SLX4IP: variants seen among roughly 807,000 people sequenced by gnomAD.
The protein encoded by SLX4IP is protein SLX4IP.
Under a neutral mutation model 32.9 loss-of-function variants are expected in SLX4IP, and 34 were observed. That is an observed-to-expected ratio of 1.03 (90% CI 0.79 to 1.38). The LOEUF is 1.38. Among genes scored for constraint, SLX4IP ranks in the 40% most tolerant of loss-of-function variants. SLX4IP has a pLI of 0.00. For missense variants in SLX4IP, 444 were observed against 479.0 expected, an observed-to-expected ratio of 0.93 and a Z score of 0.68; for synonymous variants, 172 against 171.7, an observed-to-expected ratio of 1.00 and a Z score of -0.01.
rs565758364 is a variant in SLX4IP, at chr20:10,467,911, G to T, written c.27+9680G>T. Among the ~76,000 whole-genome samples, 7 of 152,070 alleles carry T rather than the reference G, an allele frequency of 4.6e-5. No homozygotes were observed. The South Asian group carries it at 1.5e-3, about 32-fold the overall frequency. On this transcript the variant is annotated intron_variant, in intron 2 of 7. Transcript: ENST00000334534. ...TCTGGCCAGACACCCAGTTTTCTAG[G>T]CTTCATTTTCCCAGTCCTTTCCTCA...
intron 2 of SLX4IP, among the ~76,000 whole-genome samples, chr20:10,483,841 C>G (rs1386153204): frequency 7.2e-6 from 1 of 138,106 alleles, no homozygotes; most frequent in Non-Finnish European, 1.5e-5. Context: ...AGTTTCTGAC[C>G]TTCCTCTGAA....
intron 4 of SLX4IP, among the ~76,000 whole-genome samples, chr20:10,584,614 G>C (rs1600129653): frequency 6.6e-6 from 1 of 152,140 alleles, no homozygotes; most frequent in East Asian, 1.9e-4. Context: ...TCTCACCCCA[G>C]GTTCTCTGGG....
chr20:10,569,175 ATTTTTT>A (rs555310488), intron 4 of SLX4IP, among the ~76,000 whole-genome samples: 1 of 129,950 alleles, frequency 7.7e-6, no homozygotes, highest in Non-Finnish European at 1.6e-5. Flanking sequence ...CCAGATCTAG[ATTTTTT>A]TTTTTTTTTT....
At chr20:10,458,472 A>G (rs889627674) in intron 2 of SLX4IP, among the ~76,000 whole-genome samples, 11 of 152,224 alleles carry the variant, frequency 7.2e-5, no homozygotes, top group African/African-American at 2.6e-4. Context: ...TGACTTAGGT[A>G]TTAAGCCCAG....
intron 2 of SLX4IP, among the ~76,000 whole-genome samples, chr20:10,463,858 T>G (rs1374762991): frequency 6.6e-6 from 1 of 152,170 alleles, no homozygotes; most frequent in East Asian, 1.9e-4. Context: ...CATAACTCAC[T>G]GCGGCCTTGA....
At chr20:10,464,535 TAATA>T (rs1423312371) in intron 2 of SLX4IP, among the ~76,000 whole-genome samples, 1 of 152,136 alleles carries the variant, frequency 6.6e-6, no homozygotes, top group Non-Finnish European at 1.5e-5. Flanking sequence ...AAAACAATAA[TAATA>T]AATAACATTT....
At chr20:10,613,615 T>A in intron 6 of SLX4IP, 1 of 1,613,790 alleles carries the variant, frequency 6.2e-7, no homozygotes. Context: ...TTTCTGCTCA[T>A]TTCTGCTTCT....
chr20:10,611,587 G>C (rs1480116987), intron 6 of SLX4IP, among the ~76,000 whole-genome samples: 1 of 152,166 alleles, frequency 6.6e-6, no homozygotes, highest in Non-Finnish European at 1.5e-5. Flanking sequence ...ATCTCTTTGA[G>C]GCTTGTTAGT....
chr20:10,518,854 G>A (rs1194212300), intron 2 of SLX4IP, among the ~76,000 whole-genome samples: 1 of 152,154 alleles, frequency 6.6e-6, no homozygotes, highest in Non-Finnish European at 1.5e-5. Context: ...ACAGGTGTGA[G>A]CTACCATTCC....
intron 4 of SLX4IP, among the ~76,000 whole-genome samples, chr20:10,575,576 C>T (rs1261003409): frequency 6.6e-6 from 1 of 150,492 alleles, no homozygotes; most frequent in Non-Finnish European, 1.5e-5. Context: ...GGCTGCTTCT[C>T]ATAGGAGTAA....
At chr20:10,470,952 T>C (rs993396175) in intron 2 of SLX4IP, among the ~76,000 whole-genome samples, 1 of 152,202 alleles carries the variant, frequency 6.6e-6, no homozygotes, top group African/African-American at 2.4e-5. Flanking sequence ...TTTTGAAAAC[T>C]GGATGACTTT....
At chr20:10,518,731 C>G (rs1476041446) in intron 2 of SLX4IP, among the ~76,000 whole-genome samples, 1 of 151,794 alleles carries the variant, frequency 6.6e-6, no homozygotes, top group Non-Finnish European at 1.5e-5. Flanking sequence ...CCACATCTGG[C>G]TAATATTTTT....
At chr20:10,478,025 A>C (rs1198177379) in intron 2 of SLX4IP, among the ~76,000 whole-genome samples, 1 of 151,366 alleles carries the variant, frequency 6.6e-6, no homozygotes, top group Non-Finnish European at 1.5e-5. Flanking sequence ...CAGCCTCCAG[A>C]GTAGCTGGGA....
intron 4 of SLX4IP, among the ~76,000 whole-genome samples, chr20:10,594,495 CG>C (rs1443516450): frequency 2.0e-5 from 3 of 152,190 alleles, no homozygotes; most frequent in African/African-American, 7.2e-5. Context: ...CACAGACTCC[CG>C]TTGGCAGCTG....
At chr20:10,586,987 C>G (rs930674237) in intron 4 of SLX4IP, among the ~76,000 whole-genome samples, 1 of 151,922 alleles carries the variant, frequency 6.6e-6, no homozygotes, top group African/African-American at 2.4e-5. Context: ...GTTTTATGTA[C>G]TTGAATAAAT....
At position 10,558,341 on chromosome 20, in the gene SLX4IP, C is replaced by CAA. The variant is rs36028561; in HGVS notation, c.117+2041_117+2042dup. On this transcript the variant is annotated intron_variant, in intron 3 of 7. Coordinates refer to ENST00000334534, the MANE Select transcript of SLX4IP (RefSeq NM_001009608.3). ...TGGGTGGCAGAGTGAGACCCTGTCTCAAAAAAAAAAAAAAAAAAAAACAAT... is the reference window on the plus strand; with the variant it reads ...TGGGTGGCAGAGTGAGACCCTGTCTCAAAAAAAAAAAAAAAAAAAAAAACAAT... 6.2e-3 allele frequency among the ~76,000 whole-genome samples: 495 copies of CAA among 79,356 alleles called. 4 individuals carry two copies. Among genetic ancestry groups the CAA allele is most frequent in the African/African-American group, 0.022 (433 of 19,676 alleles). 52.1% of individuals were successfully genotyped at this position (79,356 alleles called of 152,430 possible).
At chr20:10,585,893 T>C (rs2066640585) in intron 4 of SLX4IP, among the ~76,000 whole-genome samples, 1 of 152,196 alleles carries the variant, frequency 6.6e-6, no homozygotes, top group Non-Finnish European at 1.5e-5. Context: ...GCCCAGCCAC[T>C]GCACACCTTA....
intron 2 of SLX4IP, among the ~76,000 whole-genome samples, chr20:10,510,206 A>T (rs1019588044): frequency 5.3e-5 from 8 of 152,130 alleles, no homozygotes; most frequent in Non-Finnish European, 1.2e-4. Context: ...TTTACTAGTC[A>T]CTCTTCTTGA....
At position 10,596,264 on chromosome 20, in the gene SLX4IP, G is replaced by A. The variant is rs74322103; in HGVS notation, c.239-2411G>A. On this transcript the variant is annotated intron_variant, in intron 4 of 7. Coordinates refer to ENST00000334534, the MANE Select transcript of SLX4IP (RefSeq NM_001009608.3). ...TTTTAAGATGGGGTCTTGCTTTGTCGCCCAGCCTGGAGTACAGTGGTGATC... is the reference window on the plus strand; with the variant it reads ...TTTTAAGATGGGGTCTTGCTTTGTCACCCAGCCTGGAGTACAGTGGTGATC... Among the ~76,000 whole-genome samples, 200 of 151,818 alleles carry A rather than the reference G, an allele frequency of 1.3e-3. No individual in the cohort carries two copies. The East Asian group carries it at 0.03, about 23-fold the overall frequency.
Sources: gnomAD v4.1 joint callset for allele counts (sites outside exome capture counted in the v4.1 genomes callset) on GRCh38, gnomAD v4.1.1 for gene constraint, MANE v1.5 for transcripts, NCBI Gene and HGNC (gene_info 2026-07-23, HGNC 2026-07-21) for gene names.